Variants in PHKA2 observed in about 807,000 individuals in gnomAD.
The protein encoded by PHKA2 is phosphorylase kinase regulatory subunit alpha 2, also known as phosphorylase b kinase regulatory subunit alpha, liver isoform.
A neutral mutation model predicts 102.0 loss-of-function variants in PHKA2; 31 were observed. The ratio of observed to expected loss-of-function variants is 0.30; its 90% CI spans 0.23 to 0.41. The LOEUF (loss-of-function observed/expected upper bound fraction) is 0.41, where lower values mean the gene tolerates loss of function less well. Ranked by LOEUF, PHKA2 falls within the 10% of genes least tolerant of loss-of-function variation. PHKA2 has a pLI of 1.00. For synonymous variants in PHKA2, 455 were observed against 416.2 expected, an observed-to-expected ratio of 1.09 and a Z score of -1.13; for missense variants, 858 against 1,023.1, an observed-to-expected ratio of 0.84 and a Z score of 2.20.
chrX:18,914,642 G>A (rs2081776220), intron 19 of PHKA2, among the ~76,000 whole-genome samples: 1 of 112,173 alleles, frequency 8.9e-6, no homozygotes, highest in Non-Finnish European at 1.9e-5. Flanking sequence ...GAAGACTGGA[G>A]GGTCTCTCAG....
intron 2 of PHKA2, among the ~76,000 whole-genome samples, chrX:18,952,976 A>T (rs187525171): frequency 8.9e-6 from 1 of 112,432 alleles, no homozygotes; most frequent in East Asian, 2.8e-4. Context: ...GCTCTAACAA[A>T]ATGCAAGTGA....
intron 1 of PHKA2, among the ~76,000 whole-genome samples, chrX:18,975,967 C>CTTT (rs200764030): frequency 2.0e-3 from 123 of 62,939 alleles, no homozygotes; most frequent in East Asian, 3.1e-3. Context: ...AAGTCAAATT[C>CTTT]TTTTTTTTTT....
At chrX:18,956,346 G>A (rs2048774340) in intron 1 of PHKA2, among the ~76,000 whole-genome samples, 1 of 111,310 alleles carries the variant, frequency 9.0e-6, no homozygotes, top group Non-Finnish European at 1.9e-5. Context: ...AACGACATAA[G>A]CATCTTTATC....
At chrX:18,936,925 TC>T (rs1409011170) in intron 10 of PHKA2, among the ~76,000 whole-genome samples, 3 of 112,107 alleles carry the variant, frequency 2.7e-5, no homozygotes, top group African/African-American at 9.7e-5. Flanking sequence ...TGAGTTTTCT[TC>T]CCCCCATCAT....
Position 18,895,162 on chromosome X carries a change from G to A in PHKA2, c.3312C>T (p.Val1104=). The change falls in exon 31 of 33, where the codon GTC becomes GTT. Residue 1104 remains valine (V), a synonymous_variant. Transcript: ENST00000379942. ...CCTCTCGGGTCGTCGAGGATGGGAG[G>A]ACATAACCATCGATGGAGAGACCGT... ...KCHGLSIDGY[V]LPSSTTREMT... The A allele has an allele frequency of 8.3e-7, 1 of 1,211,131 alleles. No homozygotes were observed. Among genetic ancestry groups the A allele is most frequent in the Non-Finnish European group, 1.1e-6 (1 of 894,892 alleles).
intron 26 of PHKA2, among the ~76,000 whole-genome samples, chrX:18,901,845 T>C (rs1020847036): frequency 2.7e-5 from 3 of 109,534 alleles, no homozygotes; most frequent in African/African-American, 1.0e-4. Context: ...CAGTGAGATA[T>C]GTTTTTTTTT....
At chrX:18,954,656 C>T (rs2048748811) in intron 1 of PHKA2, among the ~76,000 whole-genome samples, 1 of 112,618 alleles carries the variant, frequency 8.9e-6, no homozygotes, top group Admixed American at 9.4e-5. Flanking sequence ...AACATTCCAG[C>T]TCTTATGTTC....
chrX:18,899,855 C>T (rs963829434), intron 28 of PHKA2, among the ~76,000 whole-genome samples: 2 of 111,595 alleles, frequency 1.8e-5, no homozygotes, highest in East Asian at 2.8e-4. Context: ...TGTTCCTTGA[C>T]GTAAGTGGTC....
intron 11 of PHKA2, 30 bp downstream of exon 11, chrX:18,936,025 G>A (rs369604658): frequency 6.1e-5 from 59 of 963,579 alleles, no homozygotes; most frequent in East Asian, 9.2e-5. Context: ...CTAGATAAGC[G>A]GTGCAAAGGG....
chrX:18,908,237 G>T (rs2047858864), intron 21 of PHKA2, among the ~76,000 whole-genome samples, 181 bp from the exon 22 acceptor site: 1 of 112,452 alleles, frequency 8.9e-6, no homozygotes, highest in South Asian at 3.7e-4. Context: ...ACATCAGGAC[G>T]TGGTGGCCTC....
In PHKA2 at chrX:18,901,782, G is replaced by A. The variant is rs777309107; in HGVS notation, c.2909-179C>T. On this transcript the variant is annotated intron_variant, in intron 26 of 32. Coordinates refer to ENST00000379942, the MANE Select transcript of PHKA2 (RefSeq NM_000292.3). ...TCAGCTCTTAAAGGAGTAAACGGAA[G>A]TGTGCAGAGTACTTAAGCACCATTA... 7.3e-5 allele frequency among the ~76,000 whole-genome samples: 8 copies of A among 110,153 alleles called. No individual in the cohort carries two copies. The East Asian group carries it at 2.0e-3, about 28-fold the overall frequency.
At chrX:18,942,100 C>CA (rs1266954260) in intron 7 of PHKA2, among the ~76,000 whole-genome samples, 1 of 112,061 alleles carries the variant, frequency 8.9e-6, no homozygotes, top group African/African-American at 3.2e-5. Flanking sequence ...GGAATGTGAC[C>CA]AGTTGGACTG....
chrX:18,901,525 TCA>T lies in PHKA2; in HGVS notation c.2985_2986del (p.Arg997GlufsTer4). The T allele has an allele frequency of 5.0e-6, 6 of 1,205,290 alleles. No homozygotes were observed. Among genetic ancestry groups the T allele is most frequent in the Non-Finnish European group, 6.7e-6 (6 of 889,670 alleles). ...CCTCAGTCTGTTAATGCCACTCCTC[TCA>T]GTTTTGGTGACTCCGGTATGGCCCA... is the stretch of plus-strand genomic sequence containing the variant. On this transcript the variant is annotated frameshift_variant, in exon 27 of 33. Transcript: ENST00000379942. LOFTEE classifies it high-confidence loss of function.
rs1295900103 is a variant in PHKA2 at position 18,908,814 on chromosome X, G to A, written c.2347C>T (p.Leu783Phe). ...TCAGACACTTACTTTATGACATAAA[G>A]AATGTACAGAATGTCTGCTTGGTCC... ...LQDQADILYI[L>F]YVIKGPSWDT... Residue 783 changes from leucine to phenylalanine, a missense_variant, in exon 21 of 33, where the codon CTT becomes TTT. Leu to Phe is a conservative substitution (Grantham distance 22). Coordinates refer to ENST00000379942, the MANE Select transcript of PHKA2 (RefSeq NM_000292.3). 8.3e-7 allele frequency: 1 copy of A among 1,204,217 alleles called. No individual in the cohort carries two copies. The highest frequency in any genetic ancestry group is 1.1e-6 in the Non-Finnish European group (1 of 889,821).
intron 20 of PHKA2, among the ~76,000 whole-genome samples, chrX:18,910,466 G>A (rs1316906550): frequency 9.0e-6 from 1 of 111,635 alleles, no homozygotes; most frequent in African/African-American, 3.3e-5. Context: ...GTGACAGAGC[G>A]AGACTCTAAG....
At chrX:18,936,611 C>T (rs2048397962) in intron 10 of PHKA2, among the ~76,000 whole-genome samples, 1 of 111,947 alleles carries the variant, frequency 8.9e-6, no homozygotes, top group Admixed American at 9.5e-5. Flanking sequence ...AGCAGTGTAC[C>T]CATTTCCACC....
intron 1 of PHKA2, 125 bp from the exon 2 acceptor site, chrX:18,954,537 CT>C: frequency 6.7e-6 from 4 of 599,296 alleles, no homozygotes; most frequent in Non-Finnish European, 8.1e-6. Context: ...AGTTCCAGTC[CT>C]TGCTCTGCCC....
chrX:18,981,666 G>T (rs1341770479), intron 1 of PHKA2, among the ~76,000 whole-genome samples: 1 of 111,074 alleles, frequency 9.0e-6, no homozygotes, highest in African/African-American at 3.3e-5. Flanking sequence ...CTCAAGGAAT[G>T]CGGAGCTGTA....
At position 18,926,663 on chromosome X, in the gene PHKA2, C is replaced by G. The variant is rs1318985245; in HGVS notation, c.1325-76G>C. On this transcript the variant is annotated intron_variant, in intron 13 of 32. Transcript: ENST00000379942. ...ACATGGACACGTGTTCCTTACTGCCCTCTTCTGCCTGGTGACATACACATC... is the reference window on the plus strand; with the variant it reads ...ACATGGACACGTGTTCCTTACTGCCGTCTTCTGCCTGGTGACATACACATC... The G allele has an allele frequency of 4.1e-6, 4 of 980,713 alleles. No homozygotes were observed. The African/African-American group carries it at 5.7e-5, about 14-fold the overall frequency. The allele number at this position is 980,713 out of a possible 1,213,427, so 80.8% of individuals were successfully genotyped here.
Sources: allele counts gnomAD v4.1 joint callset (sites outside exome capture counted in the v4.1 genomes callset), GRCh38; gene constraint gnomAD v4.1.1; transcripts MANE v1.5; gene names NCBI Gene and HGNC (gene_info 2026-07-23, HGNC 2026-07-21).